The following KLF12 variants were observed in gnomAD, a reference collection of about 807,000 sequenced individuals.
KLF12 encodes the protein KLF transcription factor 12, also known as Krueppel-like factor 12.
In KLF12, 9 loss-of-function variants were observed where a neutral mutation model predicts 37.8. The observed-to-expected ratio is 0.24, with a 90% confidence interval of 0.14 to 0.42. The LOEUF (loss-of-function observed/expected upper bound fraction) is 0.42. KLF12 is among the 10% of genes least tolerant of loss of function. KLF12 has a pLI of 1.00. For synonymous variants in KLF12, 208 were observed against 202.1 expected, an observed-to-expected ratio of 1.03 and a Z score of -0.25; for missense variants, 411 against 516.0, an observed-to-expected ratio of 0.80 and a Z score of 1.97.
chr13:73,999,357 G>A (rs553735216), intron 1 of KLF12, among the ~76,000 whole-genome samples: 1 of 152,198 alleles, frequency 6.6e-6, no homozygotes, highest in Non-Finnish European at 1.5e-5. Context: ...AAAAAAGAAA[G>A]CACAAAAAGC....
At chr13:73,730,815 T>C (rs1308921798) in intron 6 of KLF12, among the ~76,000 whole-genome samples, 3 of 151,976 alleles carry the variant, frequency 2.0e-5, no homozygotes, top group African/African-American at 4.8e-5. Flanking sequence ...AATGGGTGGG[T>C]GGGCAGAAGA....
chr13:73,962,777 G>A (rs1593786459), intron 2 of KLF12, among the ~76,000 whole-genome samples: 1 of 152,226 alleles, frequency 6.6e-6, no homozygotes, highest in Middle Eastern at 3.4e-3. Flanking sequence ...TGGACAATTC[G>A]ATAATGCATT....
intron 1 of KLF12, among the ~76,000 whole-genome samples, chr13:74,024,567 A>G (rs1593838580): frequency 6.6e-6 from 1 of 152,180 alleles, no homozygotes; most frequent in Non-Finnish European, 1.5e-5. Context: ...GAGTGAAAAT[A>G]TTTTTCACCA....
rs1277785258 is a variant in KLF12, at chr13:73,687,623, T to C, written c.*7867A>G. On this transcript the variant is annotated 3_prime_UTR_variant, in exon 8 of 8. Transcript: ENST00000377669. ...AATTAGCAGAAAGGGAAGATGTTGG[T>C]ATGTCCCTAAAATATCTTACTTTTT... 6.6e-6 allele frequency: 1 copy of C among 152,190 alleles called. No individual in the cohort carries two copies. The highest frequency in any genetic ancestry group is 1.5e-5 in the Non-Finnish European group (1 of 68,036). The allele number at this position is 152,190 out of a possible 1,614,324, so 9.4% of individuals were successfully genotyped here. A position where few individuals can be genotyped will look rare whatever the true frequency, so the allele number is the denominator to read the frequency against.
the KLF12 span, among the ~76,000 whole-genome samples, chr13:74,218,240 G>T: frequency 6.6e-6 from 1 of 152,116 alleles, no homozygotes; most frequent in Non-Finnish European, 1.5e-5. Context: ...ATCTCTTGAG[G>T]TTTTATTATT....
the KLF12 span, among the ~76,000 whole-genome samples, chr13:74,232,946 C>A: frequency 6.6e-6 from 1 of 152,050 alleles, no homozygotes; most frequent in Non-Finnish European, 1.5e-5. Flanking sequence ...AGTGCAGTGG[C>A]GTGATCTCAG....
At chr13:73,726,773 C>T (rs188910499) in intron 6 of KLF12, among the ~76,000 whole-genome samples, 1 of 152,250 alleles carries the variant, frequency 6.6e-6, no homozygotes, top group Admixed American at 6.5e-5. Context: ...TTTGTGTAGA[C>T]ATATGTTTTC....
chr13:74,215,699 G>A, the KLF12 span, among the ~76,000 whole-genome samples: 1 of 151,938 alleles, frequency 6.6e-6, no homozygotes, highest in East Asian at 1.9e-4. Context: ...TTGTCATTTC[G>A]CTGCACCAGA....
chr13:74,075,275 G>A (rs1874498371), intron 1 of KLF12, among the ~76,000 whole-genome samples: 1 of 152,156 alleles, frequency 6.6e-6, no homozygotes, highest in South Asian at 2.1e-4. Context: ...TCTAGCTTTG[G>A]TTTAATCAGT....
At chr13:74,042,271 T>G (rs969074278) in intron 1 of KLF12, among the ~76,000 whole-genome samples, 4 of 139,938 alleles carry the variant, frequency 2.9e-5, no homozygotes, top group African/African-American at 1.1e-4. Flanking sequence ...ACCACTGCAC[T>G]CCAGCCTGGG....
At chr13:74,083,487 ATAG>A (rs1230371611) in intron 1 of KLF12, among the ~76,000 whole-genome samples, 2 of 139,522 alleles carry the variant, frequency 1.4e-5, no homozygotes, top group African/African-American at 5.6e-5. Flanking sequence ...AGCCTGGGCG[ATAG>A]GAGACACACA....
chr13:73,742,190 C>T (rs966689606), intron 6 of KLF12, among the ~76,000 whole-genome samples: 4 of 152,162 alleles, frequency 2.6e-5, no homozygotes, highest in African/African-American at 9.7e-5. Context: ...CGCTTATTTA[C>T]ATTTTAGATT....
At chr13:73,981,846 T>C (rs181852612) in intron 2 of KLF12, among the ~76,000 whole-genome samples, 74 of 152,296 alleles carry the variant, frequency 4.9e-4, no homozygotes, top group Admixed American at 1.2e-3. Flanking sequence ...ACTTCCCAGC[T>C]TCCAAACTCT....
the KLF12 span, among the ~76,000 whole-genome samples, chr13:74,197,960 C>G: frequency 1.3e-5 from 2 of 151,220 alleles, no homozygotes; most frequent in Non-Finnish European, 2.9e-5. Context: ...CAGAGTTGAG[C>G]CTTTTAGGGA....
intron 5 of KLF12, among the ~76,000 whole-genome samples, chr13:73,785,601 C>A (rs1333399843): frequency 6.6e-6 from 1 of 151,390 alleles, no homozygotes; most frequent in African/African-American, 2.4e-5. Context: ...TATACCAAAT[C>A]TCTGCCCATT....
chr13:73,757,802 A>AT (rs1444284447), intron 6 of KLF12, among the ~76,000 whole-genome samples: 1 of 152,146 alleles, frequency 6.6e-6, no homozygotes, highest in Non-Finnish European at 1.5e-5. Context: ...TTGATAGCCA[A>AT]TTTTTTCAGC....
intron 1 of KLF12, among the ~76,000 whole-genome samples, chr13:74,091,754 G>A (rs548739715): frequency 2.6e-5 from 4 of 152,096 alleles, no homozygotes; most frequent in Non-Finnish European, 4.4e-5. Flanking sequence ...GTATCATTGT[G>A]AATTTGTCTA....
chr13:74,188,798 C>T, the KLF12 span, among the ~76,000 whole-genome samples: 3 of 152,080 alleles, frequency 2.0e-5, no homozygotes, highest in South Asian at 6.2e-4. Flanking sequence ...GAGTTCAAGA[C>T]CAGCCTGGCC....
At chr13:73,749,823 A>T (rs74094092) in intron 6 of KLF12, among the ~76,000 whole-genome samples, 1 of 152,200 alleles carries the variant, frequency 6.6e-6, no homozygotes, top group Non-Finnish European at 1.5e-5. Flanking sequence ...CATGAATAAA[A>T]GTGGTTATAT....
Sources: allele counts gnomAD v4.1 joint callset (sites outside exome capture counted in the v4.1 genomes callset), GRCh38; gene constraint gnomAD v4.1.1; transcripts MANE v1.5; gene names NCBI Gene and HGNC (gene_info 2026-07-23, HGNC 2026-07-21).